ZNF655: variants seen among roughly 807,000 people sequenced by gnomAD.
ZNF655 encodes the protein Vav-interacting Kruppel-like protein 1.
ZNF655 carries 3 observed loss-of-function variants against 6.6 expected under a neutral mutation model. That is an observed-to-expected ratio of 0.46 (90% CI 0.21 to 1.18). The LOEUF is 1.18. Among genes scored for constraint, ZNF655 ranks in the 50% most tolerant of loss-of-function variants. ZNF655 has a pLI of 0.24. For synonymous variants in ZNF655, 178 were observed against 195.0 expected (o/e 0.91, Z 0.73); for missense variants, 526 against 572.3 (o/e 0.92, Z 0.83).
rs1804272198 is a variant in ZNF655 at position 99,574,195 on chromosome 7, G to A, written c.*611G>A. ...TGATGTAACGCAAATGGAAAAACTC[G>A]ACACCACATTTCAGGCTTTACCCAA... is the stretch of plus-strand genomic sequence containing the variant. On this transcript the variant is annotated 3_prime_UTR_variant, in exon 3 of 3. Transcript: ENST00000252713. 1.3e-5 allele frequency: 2 copies of A among 152,238 alleles called. No homozygotes were observed. Among genetic ancestry groups the A allele is most frequent in the East Asian group, 1.9e-4 (1 of 5,186 alleles). The allele number at this position is 152,238 out of a possible 1,614,324, so 9.4% of individuals were successfully genotyped here. A position where few individuals can be genotyped will look rare whatever the true frequency, so the allele number is the denominator to read the frequency against.
chr7:99,576,096 A>T lies in ZNF655; in HGVS notation c.*2512A>T, dbSNP rs918380410. On this transcript the variant is annotated 3_prime_UTR_variant, in exon 3 of 3. Coordinates refer to ENST00000252713, the MANE Select transcript of ZNF655 (RefSeq NM_138494.3). Reference sequence around the variant, plus strand: ...TAGGGACCCTCAACAAATATATAAAAATATGTTGCTCACTCTATAATCCTC... The same window carrying T: ...TAGGGACCCTCAACAAATATATAAATATATGTTGCTCACTCTATAATCCTC... 6.6e-6 allele frequency: 1 copy of T among 152,248 alleles called. No individual in the cohort carries two copies. Among genetic ancestry groups the T allele is most frequent in the Non-Finnish European group, 1.5e-5 (1 of 68,046 alleles). 9.4% of individuals were successfully genotyped at this position (152,248 alleles called of 1,614,324 possible).
rs527937176 is a variant in ZNF655, at chr7:99,571,665, C to T, written c.137-580C>T. The T allele has an allele frequency of 4.5e-6, 7 of 1,566,868 alleles. No homozygotes were observed. The Admixed American group carries it at 5.3e-5, about 12-fold the overall frequency. ...AGGACCTGGGGATACATTGCCACAT[C>T]CCATTTCCTTCTCTATGAGCAGGAT... is the stretch of plus-strand genomic sequence containing the variant. On this transcript the variant is annotated intron_variant, in intron 2 of 2. Transcript: ENST00000252713.
chr7:99,562,963 T>C lies in ZNF655; in HGVS notation c.136+2268T>C, dbSNP rs540092159. On this transcript the variant is annotated intron_variant, in intron 2 of 2. Transcript: ENST00000252713. ...TTAAAAAGACAGGCTAAATTCCTTCTTGTTGAGTAGTCCCTCACCCCTTAA... is the reference window on the plus strand; with the variant it reads ...TTAAAAAGACAGGCTAAATTCCTTCCTGTTGAGTAGTCCCTCACCCCTTAA... Among the ~76,000 whole-genome samples, 4 of 152,316 alleles carry C rather than the reference T, an allele frequency of 2.6e-5. 1 individual carries two copies. The highest frequency in any genetic ancestry group is 2.6e-4 in the Admixed American group (4 of 15,300).
chr7:99,572,628 A>G lies in ZNF655; in HGVS notation c.520A>G (p.Lys174Glu), dbSNP rs1463535648. ...CTTCAACCAGAATTCAGCCTCTGGT[A>G]AACATGAACACTTAAATCTAACAGA... ...MSFNQNSASGKHEHLNLTEDF... is the reference protein window; with the variant it reads ...MSFNQNSASGEHEHLNLTEDF... Residue 174 changes from lysine (K) to glutamate (E), a missense_variant, in exon 3 of 3, where the codon AAA (lysine) becomes GAA (glutamate). Coordinates refer to ENST00000252713, the MANE Select transcript of ZNF655 (RefSeq NM_138494.3). 1 of 1,613,648 alleles carries G rather than the reference A, an allele frequency of 6.2e-7. No individual in the cohort carries two copies. The highest frequency in any genetic ancestry group is 8.5e-7 in the Non-Finnish European group (1 of 1,179,856).
rs1048966855 is a variant in ZNF655 at position 99,574,330 on chromosome 7, G to T, written c.*746G>T. On this transcript the variant is annotated 3_prime_UTR_variant, in exon 3 of 3. Coordinates refer to ENST00000252713, the MANE Select transcript of ZNF655 (RefSeq NM_138494.3). ...ATCTAGGGTTGACTTGGTAAATGCA[G>T]TGACATTTTCTCATGGAGTTCCTTT... is the stretch of plus-strand genomic sequence containing the variant. 3 of 152,194 alleles carry T rather than the reference G, an allele frequency of 2.0e-5. No homozygotes were observed. Among genetic ancestry groups the T allele is most frequent in the African/African-American group, 7.2e-5 (3 of 41,456 alleles). The allele number at this position is 152,194 out of a possible 1,614,324, so 9.4% of individuals were successfully genotyped here. A position where few individuals can be genotyped will look rare whatever the true frequency, so the allele number is the denominator to read the frequency against.
intron 2 of ZNF655, chr7:99,571,419 CA>C: frequency 8.1e-7 from 1 of 1,233,062 alleles, no homozygotes; most frequent in Non-Finnish European, 1.0e-6. Flanking sequence ...TCTGTGAAGA[CA>C]AACCCATGCA....
intron 2 of ZNF655, among the ~76,000 whole-genome samples, chr7:99,565,734 G>C (rs1037440811): frequency 6.6e-6 from 1 of 152,190 alleles, no homozygotes; most frequent in African/African-American, 2.4e-5. Context: ...CTTTTCACAT[G>C]GGTAAGTGTG....
intron 2 of ZNF655, chr7:99,562,547 G>T: frequency 6.3e-7 from 1 of 1,577,244 alleles, no homozygotes; most frequent in Non-Finnish European, 8.6e-7. Flanking sequence ...TTACTTTCTT[G>T]TTTCTTCCTA....
In ZNF655 at chr7:99,573,809, A is replaced by G. The variant is rs1398957186; in HGVS notation, c.*225A>G. The stretch of plus-strand genomic sequence containing the variant: ...TCTTAATCGACTCCTGCAAATCTAT[A>G]CCAGTGAGAAATCTTACAAATGTAT... On this transcript the variant is annotated 3_prime_UTR_variant, in exon 3 of 3. Transcript: ENST00000252713. 2 of 518,684 alleles carry G rather than the reference A, an allele frequency of 3.9e-6. No individual in the cohort carries two copies. The highest frequency in any genetic ancestry group is 3.8e-5 in the African/African-American group (2 of 52,492). The allele number at this position is 518,684 out of a possible 1,614,324, so 32.1% of individuals were successfully genotyped here.
intron 2 of ZNF655, chr7:99,563,919 C>T (rs757409482): frequency 1.2e-5 from 19 of 1,613,628 alleles, no homozygotes; most frequent in South Asian, 3.3e-5. Context: ...CTGCCCGGCC[C>T]TGAGTCATAC....
intron 1 of ZNF655, among the ~76,000 whole-genome samples, chr7:99,560,003 C>A (rs773996044): frequency 2.0e-5 from 3 of 151,782 alleles, no homozygotes; most frequent in Non-Finnish European, 4.4e-5. Context: ...TTTAATGCCA[C>A]AAATTCCAAA....
intron 2 of ZNF655, chr7:99,562,489 C>G (rs757070293): frequency 6.2e-7 from 1 of 1,611,506 alleles, no homozygotes; most frequent in South Asian, 1.1e-5. Flanking sequence ...AACGTGGTCT[C>G]ACTGGGTAAG....
intron 2 of ZNF655, chr7:99,570,830 C>A (rs1162325804): frequency 6.5e-6 from 1 of 153,092 alleles, no homozygotes; most frequent in Non-Finnish European, 1.5e-5. Context: ...GGGCTGGACA[C>A]ATTTAAAAAC....
At position 99,566,519 on chromosome 7, in the gene ZNF655, A is replaced by T. The variant is rs538020548; in HGVS notation, c.137-5726A>T. On this transcript the variant is annotated intron_variant, in intron 2 of 2. Coordinates refer to ENST00000252713, the MANE Select transcript of ZNF655 (RefSeq NM_138494.3). Reference sequence around the variant, plus strand: ...GTGAAGCTTTCAGATGGCTAAAAGCATAGCCGTAGTAAAAGCAGCAAACCA... The same window carrying T: ...GTGAAGCTTTCAGATGGCTAAAAGCTTAGCCGTAGTAAAAGCAGCAAACCA... Among the ~76,000 whole-genome samples the T allele has an allele frequency of 5.9e-5, 9 of 152,368 alleles. No homozygotes were observed. The South Asian group carries it at 1.9e-3, about 32-fold the overall frequency.
intron 2 of ZNF655, chr7:99,562,109 C>T (rs985673754): frequency 1.4e-5 from 12 of 837,434 alleles, no homozygotes; most frequent in East Asian, 6.0e-5. Context: ...TGATCCTCTT[C>T]GGAGACCTGG....
At chr7:99,564,300 T>G in intron 2 of ZNF655, 1 of 1,260,488 alleles carries the variant, frequency 7.9e-7, no homozygotes, top group Non-Finnish European at 9.9e-7. Flanking sequence ...CTTTTCATAT[T>G]ATTTTAGAAT....
At chr7:99,568,930 G>A (rs1803835941) in intron 2 of ZNF655, among the ~76,000 whole-genome samples, 1 of 152,048 alleles carries the variant, frequency 6.6e-6, no homozygotes, top group Middle Eastern at 3.2e-3. Context: ...GACTACAGGC[G>A]TGTGCCACCA....
intron 2 of ZNF655, among the ~76,000 whole-genome samples, chr7:99,565,355 G>A (rs996587799): frequency 1.3e-5 from 2 of 152,062 alleles, no homozygotes; most frequent in Admixed American, 6.6e-5. Context: ...ATTTTTAGTA[G>A]AGATGGGGTT....
chr7:99,562,672 G>C (rs1476251336), intron 2 of ZNF655, among the ~76,000 whole-genome samples: 2 of 152,082 alleles, frequency 1.3e-5, no homozygotes, highest in Admixed American at 1.3e-4. Flanking sequence ...ACGTTTGTTT[G>C]GGGGTGCCAA....
Sources: allele counts gnomAD v4.1 joint callset (sites outside exome capture counted in the v4.1 genomes callset), GRCh38; gene constraint gnomAD v4.1.1; transcripts MANE v1.5; gene names NCBI Gene and HGNC (gene_info 2026-07-23, HGNC 2026-07-21).